Variants in PZP observed in about 807,000 individuals in gnomAD.
The protein encoded by PZP is pregnancy zone protein.
A neutral mutation model predicts 179.8 loss-of-function variants in PZP; 150 were observed. That is an observed-to-expected ratio of 0.83 (90% CI 0.73 to 0.96). PZP has a LOEUF of 0.96. Ranked by LOEUF, PZP falls within the 40% of genes least tolerant of loss-of-function variation. The pLI, the probability that PZP is intolerant of heterozygous loss-of-function variation, is 0.00. For synonymous variants in PZP, 624 were observed against 652.3 expected (o/e 0.96, Z 0.66); for missense variants, 1,689 against 1,764.0 (o/e 0.96, Z 0.76).
intron 29 of PZP, 134 bp from the exon 30 acceptor site, chr12:9,153,477 T>G (rs772384037): frequency 3.2e-4 from 200 of 624,688 alleles, no homozygotes; most frequent in Non-Finnish European, 4.9e-4. Context: ...CTAATTACCT[T>G]TCCTTTTTCT....
rs558405155 is a variant in PZP at position 9,173,263 on chromosome 12, A to T, written c.1840-3672T>A. 9.1e-4 allele frequency among the ~76,000 whole-genome samples: 139 copies of T among 152,358 alleles called. No individual in the cohort carries two copies. In the Middle Eastern group the frequency reaches 0.017, roughly 19 times the overall value. On this transcript the variant is annotated intron_variant, in intron 15 of 35. Transcript: ENST00000261336. ...AAATTAAGGCAGAAATCAAGAAGTT[A>T]TTTGAAACTAATGAGAACAAAGAGA... is the stretch of plus-strand genomic sequence containing the variant.
At chr12:9,141,907 A>G in the PZP span, among the ~76,000 whole-genome samples, 1 of 152,216 alleles carries the variant, frequency 6.6e-6, no homozygotes, top group Admixed American at 6.5e-5. Flanking sequence ...CCTAGCTGCA[A>G]AGCAGGCAAG....
intron 1 of PZP, among the ~76,000 whole-genome samples, chr12:9,204,278 C>A (rs1268175817): frequency 6.6e-6 from 1 of 152,104 alleles, no homozygotes; most frequent in Non-Finnish European, 1.5e-5. Context: ...AATCTGAATT[C>A]TTGAATATAT....
At chr12:9,207,094 G>T (rs1944472751) in intron 1 of PZP, among the ~76,000 whole-genome samples, 1 of 152,140 alleles carries the variant, frequency 6.6e-6, no homozygotes. Flanking sequence ...AGACTTACTG[G>T]ATTGAACTCC....
chr12:9,194,826 A>G (rs1192972796), intron 10 of PZP, among the ~76,000 whole-genome samples: 3 of 152,160 alleles, frequency 2.0e-5, no homozygotes, highest in African/African-American at 7.2e-5. Flanking sequence ...AATAAGAATA[A>G]AAGAAATGAA....
Position 9,200,944 on chromosome 12 carries a change from TACC to T in PZP, c.615_617del (p.Val206del). 6.2e-7 allele frequency: 1 copy of T among 1,614,108 alleles called. No homozygotes were observed. Among genetic ancestry groups the T allele is most frequent in the Non-Finnish European group, 8.5e-7 (1 of 1,179,962 alleles). ...GTATCCTTCCACCTGATTCTGTCTG[TACC>T]ACCACCCTGTAGGAGCCCTGAATGG... On this transcript the variant is annotated inframe_deletion, in exon 6 of 36. Transcript: ENST00000261336.
At chr12:9,146,236 C>A (rs775298383), downstream of PZP, among the ~76,000 whole-genome samples, 8 of 151,604 alleles carry the variant, frequency 5.3e-5, no homozygotes, top group East Asian at 1.4e-3. Flanking sequence ...TTTTTCTCTT[C>A]TGACTGAACT....
Position 9,169,037 on chromosome 12 carries a change from C to T in PZP, c.2002-63G>A, listed in dbSNP as rs981407466. The T allele has an allele frequency of 5.1e-5, 61 of 1,207,160 alleles. No individual in the cohort carries two copies. In the African/African-American group the frequency reaches 6.2e-4, roughly 12 times the overall value. The allele number at this position is 1,207,160 out of a possible 1,614,324, so 74.8% of individuals were successfully genotyped here. On this transcript the variant is annotated intron_variant, in intron 16 of 35. Coordinates refer to ENST00000261336, the MANE Select transcript of PZP (RefSeq NM_002864.3). ...GATTAGAATATATAAAACATATTAT[C>T]CTTAGAGACTTCTCTATGTAATTCC...
chr12:9,163,672 A>G lies in PZP; in HGVS notation c.2732T>C (p.Val911Ala), dbSNP rs773572926. The G allele has an allele frequency of 1.9e-6, 3 of 1,613,118 alleles. No individual in the cohort carries two copies. The highest frequency in any genetic ancestry group is 2.5e-6 in the Non-Finnish European group (3 of 1,179,556). The change falls in exon 21 of 36, where the codon GTG (valine) becomes GCG (alanine). Residue 911 changes from valine (V) to alanine (A), a missense_variant. By Grantham distance (64) the Val-to-Ala change is moderately conservative (BLOSUM62 0). Transcript: ENST00000261336. ...GGACTCCCAAAAATATGTTACCTCC[A>G]CCAACAGGGTTTTGATGACTGTGTC... ...RKDTVIKTLL[V>A]EAEGIEQEKT...
intron 7 of PZP, among the ~76,000 whole-genome samples, chr12:9,198,525 G>A (rs1179018072): frequency 3.3e-5 from 5 of 151,938 alleles, no homozygotes; most frequent in African/African-American, 1.2e-4. Flanking sequence ...ACACGCACAC[G>A]TGCACTGACA....
Position 9,154,704 on chromosome 12 carries a change from G to A in PZP, c.3686C>T (p.Pro1229Leu), listed in dbSNP as rs763841450. 8 of 1,614,012 alleles carry A rather than the reference G, an allele frequency of 5.0e-6. No homozygotes were observed. The East Asian group carries it at 1.8e-4, about 36-fold the overall frequency. The change falls in exon 29 of 36, where the codon CCC becomes CTC. Residue 1229 changes from proline to leucine, a missense_variant. Coordinates refer to ENST00000261336, the MANE Select transcript of PZP (RefSeq NM_002864.3). ...LLAYLTAQPA[P>L]TSGDLTSATN... ...TGCAGAGGTCAGGTCCCCTGAGGTG[G>A]GGGCTGGCTGGGCCGTGAGATAAGC...
chr12:9,152,128 A>G, intron 32 of PZP, 92 bp downstream of exon 32: 1 of 958,858 alleles, frequency 1.0e-6, no homozygotes, highest in Non-Finnish European at 1.7e-6. Context: ...AGGCAGGATG[A>G]TGTTGACATG....
chr12:9,158,578 T>C lies in PZP; in HGVS notation c.3138-2A>G. ...GTCTTCAGTACAAAAGCTGTGAGCC[T>C]AGGGGGAGGAAAAATGCAGTGCTGA... On this transcript the variant is annotated splice_acceptor_variant, in intron 25 of 35. Transcript: ENST00000261336. LOFTEE classifies it high-confidence loss of function. 6.2e-7 allele frequency: 1 copy of C among 1,613,884 alleles called. No homozygotes were observed.
chr12:9,151,282 C>G (rs1218743044), intron 33 of PZP, among the ~76,000 whole-genome samples: 1 of 152,114 alleles, frequency 6.6e-6, no homozygotes, highest in Admixed American at 6.5e-5. Context: ...TGATTTATCA[C>G]TTCAAGTTTA....
intron 7 of PZP, among the ~76,000 whole-genome samples, chr12:9,199,279 T>C (rs1474532011): frequency 6.6e-6 from 1 of 152,206 alleles, no homozygotes; most frequent in Admixed American, 6.5e-5. Flanking sequence ...CCAGTAATTG[T>C]GACCTGTGAT....
Position 9,152,879 on chromosome 12 carries a change from G to A in PZP, c.4066C>T (p.Gln1356Ter), listed in dbSNP as rs1940463119. 1 of 1,613,894 alleles carries A rather than the reference G, an allele frequency of 6.2e-7. No individual in the cohort carries two copies. Among genetic ancestry groups the A allele is most frequent in the Admixed American group, 1.7e-5 (1 of 59,984 alleles). The stretch of plus-strand genomic sequence containing the variant: ...TGGGCTTTGTGTCCATCGCAAGTTT[G>A]GGGCACAGTCTGCACTTTTAAAGCA... Reference protein sequence around the residue: ...PFALKVQTVPQTCDGHKAHTS... With the variant: ...PFALKVQTVP The change falls in exon 31 of 36, where the codon CAA (glutamine) becomes TAA (stop). Residue 1356 changes from glutamine (Q) to a stop codon, truncating the protein, a stop_gained. Transcript: ENST00000261336. LOFTEE classifies it high-confidence loss of function.
intron 1 of PZP, among the ~76,000 whole-genome samples, chr12:9,206,848 C>A (rs1422637900): frequency 6.6e-6 from 1 of 152,144 alleles, no homozygotes; most frequent in Non-Finnish European, 1.5e-5. Flanking sequence ...AGGAATGCAT[C>A]CAGAACCACA....
chr12:9,153,447 A>G, intron 29 of PZP, 104 bp from the exon 30 acceptor site: 1 of 835,668 alleles, frequency 1.2e-6, no homozygotes, highest in African/African-American at 1.7e-5. Flanking sequence ...CTGGCTTTTT[A>G]CCCCTAAGGT....
intron 7 of PZP, among the ~76,000 whole-genome samples, chr12:9,198,398 A>G (rs955037613): frequency 2.0e-5 from 3 of 152,108 alleles, no homozygotes; most frequent in African/African-American, 7.2e-5. Flanking sequence ...ATTCTTCTTT[A>G]TTTTGTTTTA....
Sources: allele counts gnomAD v4.1 joint callset (sites outside exome capture counted in the v4.1 genomes callset), GRCh38; gene constraint gnomAD v4.1.1; transcripts MANE v1.5; gene names NCBI Gene and HGNC (gene_info 2026-07-23, HGNC 2026-07-21).